VWA8: variants seen among roughly 807,000 people sequenced by gnomAD.
VWA8 encodes the protein von Willebrand factor A domain-containing protein 8.
A neutral mutation model predicts 241.5 loss-of-function variants in VWA8; 221 were observed. The observed-to-expected ratio is 0.91, with a 90% CI of 0.82 to 1.02. The LOEUF is 1.02. Among genes scored for constraint, VWA8 ranks in the 50% least tolerant of loss-of-function variants. VWA8 has a pLI of 0.00. For synonymous variants in VWA8, 852 were observed against 827.1 expected (o/e 1.03, Z -0.52); for missense variants, 2,322 against 2,328.7 (o/e 1.00, Z 0.06).
chr13:41,750,032 AG>A (rs1224493432), intron 21 of VWA8, among the ~76,000 whole-genome samples: 5 of 152,164 alleles, frequency 3.3e-5, no homozygotes, highest in African/African-American at 4.8e-5. Context: ...TTAAAAAAAA[AG>A]AAATATATTT....
At chr13:41,704,922 G>A (rs1434886386) in intron 26 of VWA8, among the ~76,000 whole-genome samples, 1 of 152,074 alleles carries the variant, frequency 6.6e-6, no homozygotes, top group African/African-American at 2.4e-5. Context: ...TGAGTTTGAT[G>A]ATCATTAAAA....
intron 12 of VWA8, among the ~76,000 whole-genome samples, chr13:41,861,197 C>A (rs1042711745): frequency 1.3e-5 from 2 of 151,684 alleles, no homozygotes; most frequent in African/African-American, 4.8e-5. Flanking sequence ...GGTGACAGTG[C>A]GAGACTCCAT....
In VWA8 at chr13:41,692,929, T is replaced by C. The variant is rs771388715; in HGVS notation, c.3608A>G (p.His1203Arg). Reference sequence around the variant, plus strand: ...CTTCTCGGAAGGGAGGATGAGACGATGAAGGGCCCGGCCAGTAGTATCTAA... The same window carrying C: ...CTTCTCGGAAGGGAGGATGAGACGACGAAGGGCCCGGCCAGTAGTATCTAA... ...LLLDTTGRAL[H>R]RLILPSEKFT... is the part of the protein sequence containing the mutation. The change falls in exon 30 of 45, where the codon CAT becomes CGT. Residue 1203 changes from histidine to arginine, a missense_variant. By Grantham distance (29) the His-to-Arg change is conservative. Transcript: ENST00000379310. 3.1e-6 allele frequency: 5 copies of C among 1,611,464 alleles called. No homozygotes were observed. The highest frequency in any genetic ancestry group is 4.2e-6 in the Non-Finnish European group (5 of 1,178,392).
chr13:41,891,273 T>C lies in VWA8; in HGVS notation c.651+147A>G, dbSNP rs184907039. The C allele has an allele frequency of 1.4e-3, 1,197 of 883,892 alleles. 4 individuals are homozygous for C. Among genetic ancestry groups the C allele is most frequent in the East Asian group, 7.4e-3 (292 of 39,664 alleles). 54.8% of individuals were successfully genotyped at this position (883,892 alleles called of 1,614,324 possible). A position where few individuals can be genotyped will look rare whatever the true frequency, so the allele number is the denominator to read the frequency against. ...CTAAAACAGAAGAGTGTTGTAAAGC[T>C]GTAAATTCATGACTCTAGCAATTTA... is the stretch of plus-strand genomic sequence containing the variant. On this transcript the variant is annotated intron_variant, in intron 5 of 44. Coordinates refer to ENST00000379310, the MANE Select transcript of VWA8 (RefSeq NM_015058.2).
At chr13:41,756,594 C>T (rs1378223721) in intron 21 of VWA8, among the ~76,000 whole-genome samples, 1 of 151,490 alleles carries the variant, frequency 6.6e-6, no homozygotes, top group African/African-American at 2.4e-5. Flanking sequence ...TTTAAATTCA[C>T]TTGTTTTCAC....
chr13:41,739,185 T>C (rs1344416517), intron 21 of VWA8, among the ~76,000 whole-genome samples: 2 of 152,216 alleles, frequency 1.3e-5, no homozygotes, highest in Non-Finnish European at 2.9e-5. Flanking sequence ...AGGGAACTTA[T>C]CTTACCATAC....
At chr13:41,604,806 C>A (rs1213932776) in intron 40 of VWA8, among the ~76,000 whole-genome samples, 1 of 152,126 alleles carries the variant, frequency 6.6e-6, no homozygotes, top group African/African-American at 2.4e-5. Context: ...AGCACAATTT[C>A]TAATTTGAAA....
chr13:41,914,311 G>A (rs1876153371), intron 2 of VWA8, among the ~76,000 whole-genome samples: 1 of 152,168 alleles, frequency 6.6e-6, no homozygotes, highest in African/African-American at 2.4e-5. Context: ...AAGAAAAGTA[G>A]ATTGAAAAAT....
intron 37 of VWA8, among the ~76,000 whole-genome samples, chr13:41,615,415 C>T (rs11840270): frequency 2.0e-4 from 31 of 152,288 alleles, no homozygotes; most frequent in African/African-American, 7.5e-4. Context: ...GAAAATGGAT[C>T]TCACTGGAGA....
At chr13:41,760,976 A>G (rs1593752459) in intron 21 of VWA8, 152 bp downstream of exon 21, 1 of 721,102 alleles carries the variant, frequency 1.4e-6, no homozygotes, top group East Asian at 2.7e-5. Flanking sequence ...TGGTTTTATT[A>G]CCTTTAAAGG....
In VWA8 at chr13:41,862,649, C is replaced by T. The variant is rs548094202; in HGVS notation, c.1425+3087G>A. 2.6e-5 allele frequency among the ~76,000 whole-genome samples: 4 copies of T among 152,296 alleles called. No individual in the cohort carries two copies. In the South Asian group the frequency reaches 8.3e-4, roughly 32 times the overall value. ...GAATAGACATTTCTCAAAAGACATACATGCAGCCAATGAATATATTTTAAA... is the reference window on the plus strand; with the variant it reads ...GAATAGACATTTCTCAAAAGACATATATGCAGCCAATGAATATATTTTAAA... On this transcript the variant is annotated intron_variant, in intron 12 of 44. Coordinates refer to ENST00000379310, the MANE Select transcript of VWA8 (RefSeq NM_015058.2).
chr13:41,746,028 G>A (rs1277404384), intron 21 of VWA8, among the ~76,000 whole-genome samples: 1 of 152,118 alleles, frequency 6.6e-6, no homozygotes, highest in African/African-American at 2.4e-5. Flanking sequence ...AGGAAGAGGA[G>A]ACCAGATTGG....
At chr13:41,633,986 T>C (rs1257624895) in intron 37 of VWA8, among the ~76,000 whole-genome samples, 2 of 152,142 alleles carry the variant, frequency 1.3e-5, no homozygotes, top group East Asian at 1.9e-4. Flanking sequence ...CTCCCACTTA[T>C]CTCCCTTTGT....
intron 40 of VWA8, among the ~76,000 whole-genome samples, chr13:41,591,358 C>G (rs1443568639): frequency 6.6e-6 from 1 of 152,044 alleles, no homozygotes; most frequent in Non-Finnish European, 1.5e-5. Flanking sequence ...TACAATTATG[C>G]CAGATAGACT....
chr13:41,663,813 T>C (rs2044968415), intron 37 of VWA8, among the ~76,000 whole-genome samples: 1 of 151,662 alleles, frequency 6.6e-6, no homozygotes, highest in Non-Finnish European at 1.5e-5. Flanking sequence ...ATTTAACAAT[T>C]TTTCTACTTT....
At position 41,727,395 on chromosome 13, in the gene VWA8, AAT is replaced by A. The variant is rs964480887; in HGVS notation, c.2639-84_2639-83del. ...AAGCAACAATCTTTTAGATAACATA[AAT>A]AGTTATACTGTTCAATTGTAAAAAG... On this transcript the variant is annotated intron_variant, in intron 23 of 44. Transcript: ENST00000379310. The A allele has an allele frequency of 7.5e-6, 8 of 1,072,268 alleles. No homozygotes were observed. The African/African-American group carries it at 1.3e-4, about 17-fold the overall frequency. 66.4% of individuals were successfully genotyped at this position (1,072,268 alleles called of 1,614,324 possible).
chr13:41,791,969 T>C (rs560408345), intron 17 of VWA8, among the ~76,000 whole-genome samples: 3 of 151,878 alleles, frequency 2.0e-5, no homozygotes, highest in Non-Finnish European at 4.4e-5. Context: ...GAAACTTCCA[T>C]CCCAACAGCA....
At chr13:41,838,567 ATT>A (rs1362905111) in intron 12 of VWA8, among the ~76,000 whole-genome samples, 1 of 152,330 alleles carries the variant, frequency 6.6e-6, no homozygotes, top group Admixed American at 6.5e-5. Context: ...TTCAGAAAGT[ATT>A]TAAGTTGAGT....
chr13:41,880,197 TAGTTTTATATAA>T (rs1874101589), intron 9 of VWA8, among the ~76,000 whole-genome samples: 1 of 152,208 alleles, frequency 6.6e-6, no homozygotes, highest in Non-Finnish European at 1.5e-5. Flanking sequence ...GCAATTTCCA[TAGTTTTATATAA>T]AATACTTGCT....
Sources: allele counts gnomAD v4.1 joint callset (sites outside exome capture counted in the v4.1 genomes callset), GRCh38; gene constraint gnomAD v4.1.1; transcripts MANE v1.5; gene names NCBI Gene and HGNC (gene_info 2026-07-23, HGNC 2026-07-21).